Variants in ROBO1 observed in about 807,000 individuals in gnomAD.
ROBO1 encodes the protein roundabout guidance receptor 1.
Under a neutral mutation model 195.9 loss-of-function variants are expected in ROBO1, and 149 were observed. That is an observed-to-expected ratio of 0.76 (90% confidence interval 0.67 to 0.87). The LOEUF (loss-of-function observed/expected upper bound fraction) is 0.87. Among genes scored for constraint, ROBO1 ranks in the 40% least tolerant of loss-of-function variants. ROBO1 has a pLI of 0.00. For synonymous variants in ROBO1, 816 were observed against 733.2 expected (o/e 1.11, Z -1.82); for missense variants, 1,933 against 2,068.3 (o/e 0.93, Z 1.27).
At chr3:79,044,126 TA>T (rs71127374) in intron 3 of ROBO1, among the ~76,000 whole-genome samples, 1,716 of 140,000 alleles carry the variant, frequency 0.012, 17 homozygotes, top group South Asian at 0.023. Flanking sequence ...GTTGATGAGC[TA>T]AAAAAAAAAA....
At chr3:78,704,369 G>C (rs1210626547) in intron 8 of ROBO1, among the ~76,000 whole-genome samples, 1 of 151,904 alleles carries the variant, frequency 6.6e-6, no homozygotes, top group East Asian at 1.9e-4. Context: ...CTCACACAAA[G>C]ATCTCATACG....
At chr3:79,632,606 A>C (rs1945377319) in intron 1 of ROBO1, among the ~76,000 whole-genome samples, 1 of 152,128 alleles carries the variant, frequency 6.6e-6, no homozygotes, top group Non-Finnish European at 1.5e-5. Context: ...AAACCTGCAA[A>C]TGTATCCCCT....
At chr3:79,431,421 T>G (rs984198184) in intron 2 of ROBO1, among the ~76,000 whole-genome samples, 3 of 152,132 alleles carry the variant, frequency 2.0e-5, no homozygotes, top group Non-Finnish European at 4.4e-5. Flanking sequence ...TCCAGCAAGT[T>G]TGTAAAGTAC....
At chr3:79,033,366 A>G (rs1029422423) in intron 3 of ROBO1, among the ~76,000 whole-genome samples, 2 of 152,110 alleles carry the variant, frequency 1.3e-5, no homozygotes, top group African/African-American at 4.8e-5. Flanking sequence ...TTAAAGAGTT[A>G]TTTACCAATT....
chr3:79,508,359 G>A (rs1001096403), intron 2 of ROBO1, among the ~76,000 whole-genome samples: 5 of 152,094 alleles, frequency 3.3e-5, no homozygotes, highest in African/African-American at 1.2e-4. Context: ...AAACAGTGAG[G>A]CCAGAGAAGA....
intron 1 of ROBO1, among the ~76,000 whole-genome samples, chr3:79,639,474 A>G (rs1174849470): frequency 6.6e-6 from 1 of 152,180 alleles, no homozygotes; most frequent in Non-Finnish European, 1.5e-5. Context: ...TTTTATACTA[A>G]ATACAACCAG....
At chr3:78,870,994 C>T (rs1252385777) in intron 4 of ROBO1, among the ~76,000 whole-genome samples, 1 of 152,122 alleles carries the variant, frequency 6.6e-6, no homozygotes, top group African/African-American at 2.4e-5. Flanking sequence ...ATGTAAAGTA[C>T]TAGGTCTATT....
At chr3:78,673,118 T>G (rs1173552308) in intron 10 of ROBO1, among the ~76,000 whole-genome samples, 2 of 152,098 alleles carry the variant, frequency 1.3e-5, no homozygotes, top group Non-Finnish European at 2.9e-5. Flanking sequence ...GCTACCTTAT[T>G]GGAGGGTGCA....
chr3:79,752,400 G>A (rs983625226), intron 1 of ROBO1, among the ~76,000 whole-genome samples: 16 of 152,118 alleles, frequency 1.1e-4, no homozygotes, highest in African/African-American at 3.9e-4. Context: ...CTCTCTGGGT[G>A]CCGGCAATCT....
At chr3:79,079,486 G>A (rs1351700809) in intron 3 of ROBO1, among the ~76,000 whole-genome samples, 2 of 151,738 alleles carry the variant, frequency 1.3e-5, no homozygotes, top group Non-Finnish European at 3.0e-5. Flanking sequence ...GAAGTGGGCC[G>A]AGAGACTGCT....
At chr3:78,721,420 C>A (rs2082041849) in intron 5 of ROBO1, among the ~76,000 whole-genome samples, 1 of 152,146 alleles carries the variant, frequency 6.6e-6, no homozygotes, top group Admixed American at 6.5e-5. Flanking sequence ...CTAGATGTTT[C>A]TTTATTAGTT....
At chr3:79,457,381 C>CTGTG (rs149896280) in intron 2 of ROBO1, among the ~76,000 whole-genome samples, 3 of 150,972 alleles carry the variant, frequency 2.0e-5, no homozygotes, top group East Asian at 1.9e-4. Context: ...GAATGAAACA[C>CTGTG]TGTGTGTGTG....
chr3:79,077,669 T>C (rs2079197729), intron 3 of ROBO1, among the ~76,000 whole-genome samples: 1 of 151,924 alleles, frequency 6.6e-6, no homozygotes, highest in African/African-American at 2.4e-5. Context: ...AAATGTTTCT[T>C]AAATTTCAGG....
chr3:78,712,169 T>C (rs1474447709), intron 8 of ROBO1, among the ~76,000 whole-genome samples: 1 of 152,126 alleles, frequency 6.6e-6, no homozygotes, highest in East Asian at 1.9e-4. Flanking sequence ...CCTGCATTAC[T>C]GGGCTTTATT....
Position 78,617,799 on chromosome 3 carries a change from CCGTTGAT to C in ROBO1, c.4111_4117del (p.Ile1371AlafsTer44). On this transcript the variant is annotated frameshift_variant, in exon 27 of 31. Transcript: ENST00000464233. LOFTEE classifies it high-confidence loss of function. ...GTCCTCCTCTGAGGCTGAGCCCCAGCCGTTGATCATGGACCCCGTGACAGAGCTCTCC... is the reference window on the plus strand; with the variant it reads ...GTCCTCCTCTGAGGCTGAGCCCCAGCCATGGACCCCGTGACAGAGCTCTCC... The C allele has an allele frequency of 6.2e-7, 1 of 1,613,890 alleles. No homozygotes were observed. The highest frequency in any genetic ancestry group is 8.5e-7 in the Non-Finnish European group (1 of 1,179,848).
chr3:79,743,089 T>C (rs774391399), intron 1 of ROBO1, among the ~76,000 whole-genome samples: 6 of 152,170 alleles, frequency 3.9e-5, no homozygotes, highest in Non-Finnish European at 8.8e-5. Context: ...AACCATGACT[T>C]TATGGGCAGT....
intron 3 of ROBO1, among the ~76,000 whole-genome samples, chr3:79,106,264 G>A (rs1033431418): frequency 8.6e-5 from 13 of 151,636 alleles, no homozygotes; most frequent in Admixed American, 6.6e-5. Flanking sequence ...TTTACCCAAT[G>A]AGTTCCCTCT....
At chr3:79,026,780 A>G (rs990410063) in intron 3 of ROBO1, among the ~76,000 whole-genome samples, 2 of 152,096 alleles carry the variant, frequency 1.3e-5, no homozygotes, top group Non-Finnish European at 2.9e-5. Flanking sequence ...TAACAGCTGC[A>G]CAGCTGAATG....
intron 2 of ROBO1, among the ~76,000 whole-genome samples, chr3:79,582,451 T>C (rs895801744): frequency 1.3e-5 from 2 of 151,996 alleles, no homozygotes; most frequent in Non-Finnish European, 2.9e-5. Flanking sequence ...TGGTTTTTAA[T>C]AGTTTTCATT....
Sources: gnomAD v4.1 joint callset for allele counts (sites outside exome capture counted in the v4.1 genomes callset) on GRCh38, gnomAD v4.1.1 for gene constraint, MANE v1.5 for transcripts, NCBI Gene and HGNC (gene_info 2026-07-23, HGNC 2026-07-21) for gene names.